RABGAP1L: variants seen among roughly 807,000 people sequenced by gnomAD.
The protein encoded by RABGAP1L is rab GTPase-activating protein 1-like.
RABGAP1L carries 63 observed loss-of-function variants against 137.7 expected under a neutral mutation model. The observed-to-expected ratio is 0.46, with a 90% CI of 0.37 to 0.56. The LOEUF (loss-of-function observed/expected upper bound fraction) is 0.56. RABGAP1L is among the 20% of genes least tolerant of loss of function. The pLI is 0.00. For synonymous variants in RABGAP1L, 431 were observed against 433.7 expected (o/e 0.99, Z 0.08); for missense variants, 1,095 against 1,244.0 (o/e 0.88, Z 1.80).
chr1:174,607,177 C>A (rs768076924), intron 13 of RABGAP1L, among the ~76,000 whole-genome samples: 41 of 152,134 alleles, frequency 2.7e-4, no homozygotes, highest in Admixed American at 2.0e-4. Flanking sequence ...TTAACTGTCA[C>A]CCCTAAATTT....
Position 174,684,579 on chromosome 1 carries a change from G to T in RABGAP1L, c.1899+983G>T, listed in dbSNP as rs376544180. Among the ~76,000 whole-genome samples, 91 of 152,300 alleles carry T rather than the reference G, an allele frequency of 6.0e-4. 1 individual carries two copies. In the South Asian group the frequency reaches 0.019, roughly 32 times the overall value. On this transcript the variant is annotated intron_variant, in intron 15 of 25. Transcript: ENST00000681986. ...ATGAGGAACCATTGATCACTTTGGA[G>T]CAAGGGAATAATACAGTCATATGAT...
chr1:174,317,710 A>G (rs1181050548), intron 11 of RABGAP1L, among the ~76,000 whole-genome samples: 1 of 152,048 alleles, frequency 6.6e-6, no homozygotes, highest in East Asian at 1.9e-4. Context: ...CATCACTATG[A>G]CTTGCCTAAG....
At chr1:174,403,859 C>T (rs370055554) in intron 13 of RABGAP1L, among the ~76,000 whole-genome samples, 12 of 149,858 alleles carry the variant, frequency 8.0e-5, no homozygotes, top group East Asian at 7.8e-4. Flanking sequence ...TAAAATTTGA[C>T]TTTGTATTGG....
chr1:174,302,822 C>G (rs998708762), intron 10 of RABGAP1L, among the ~76,000 whole-genome samples: 1 of 152,122 alleles, frequency 6.6e-6, no homozygotes, highest in Non-Finnish European at 1.5e-5. Context: ...GGAGACAAAA[C>G]TTTTAATCAA....
intron 13 of RABGAP1L, among the ~76,000 whole-genome samples, chr1:174,511,735 G>T (rs1662365209): frequency 1.3e-5 from 2 of 151,370 alleles, no homozygotes; most frequent in Non-Finnish European, 2.9e-5. Context: ...CAATTCTCCT[G>T]CCTCAGCCTC....
At chr1:174,783,707 C>CTTTTTTTTTTTTTTTTTTTTTTTTTTT (rs34367315) in intron 18 of RABGAP1L, among the ~76,000 whole-genome samples, 3 of 102,476 alleles carry the variant, frequency 2.9e-5, no homozygotes, top group South Asian at 3.3e-4. Flanking sequence ...TCTTCTTCTT[C>CTTTTTTTTTTTTTTTTTTTTTTTTTTT]TTTTTTTTTT....
Position 174,950,368 on chromosome 1 carries a change from ATG to A in RABGAP1L, c.2341-7087_2341-7086del, listed in dbSNP as rs370054007. 1.4e-4 allele frequency among the ~76,000 whole-genome samples: 21 copies of A among 152,310 alleles called. 1 individual carries two copies. The highest frequency in any genetic ancestry group is 5.1e-4 in the African/African-American group (21 of 41,574). Reference sequence around the variant, plus strand: ...ATGGGGCAAAATATCATTGTTTAATATGTTCCCTCTCCTCCTAGTGCTAAAAG... The same window carrying A: ...ATGGGGCAAAATATCATTGTTTAATATTCCCTCTCCTCCTAGTGCTAAAAG... On this transcript the variant is annotated intron_variant, in intron 19 of 25. Coordinates refer to ENST00000681986, the MANE Select transcript of RABGAP1L (RefSeq NM_001366446.1).
intron 15 of RABGAP1L, among the ~76,000 whole-genome samples, chr1:174,696,882 A>G (rs1247280478): frequency 6.6e-6 from 1 of 152,146 alleles, no homozygotes; most frequent in African/African-American, 2.4e-5. Flanking sequence ...TCTTGCGTGG[A>G]TAGTTGTTCA....
intron 19 of RABGAP1L, among the ~76,000 whole-genome samples, chr1:174,891,408 A>G (rs920492502): frequency 2.0e-5 from 3 of 152,194 alleles, no homozygotes; most frequent in Admixed American, 2.0e-4. Flanking sequence ...AATAAGGTTG[A>G]TTAATGTATT....
chr1:174,410,217 G>A (rs1352701226), intron 13 of RABGAP1L, among the ~76,000 whole-genome samples: 1 of 152,108 alleles, frequency 6.6e-6, no homozygotes, highest in African/African-American at 2.4e-5. Flanking sequence ...TCTCAGACTG[G>A]CCGACACTTA....
intron 1 of RABGAP1L, among the ~76,000 whole-genome samples, chr1:174,162,223 A>G (rs1664528508): frequency 6.6e-6 from 1 of 152,056 alleles, no homozygotes; most frequent in Admixed American, 6.5e-5. Flanking sequence ...AGGAGTTTTC[A>G]TGTGATCAGC....
At chr1:174,216,816 G>T (rs1339127010) in intron 1 of RABGAP1L, among the ~76,000 whole-genome samples, 1 of 152,062 alleles carries the variant, frequency 6.6e-6, no homozygotes, top group East Asian at 1.9e-4. Context: ...AGGGTGTATT[G>T]GGCCTTGTAA....
chr1:174,583,763 G>T (rs1668915111), intron 13 of RABGAP1L, among the ~76,000 whole-genome samples: 1 of 152,162 alleles, frequency 6.6e-6, no homozygotes, highest in Non-Finnish European at 1.5e-5. Context: ...TATTGCCCTT[G>T]TGCTGTAGAG....
In RABGAP1L at chr1:174,994,679, A is replaced by AGAT. The variant is rs1385472257; in HGVS notation, c.*4680_*4682dup. On this transcript the variant is annotated 3_prime_UTR_variant, in exon 26 of 26. Coordinates refer to ENST00000681986, the MANE Select transcript of RABGAP1L (RefSeq NM_001366446.1). ...CATGAAAGCACAAGAATAAGGCTGG[A>AGAT]GATGGTCCCAGATCCAAGATGTCCC... The AGAT allele has an allele frequency of 6.6e-6, 1 of 152,206 alleles. No homozygotes were observed. The highest frequency in any genetic ancestry group is 2.4e-5 in the African/African-American group (1 of 41,450). 9.4% of individuals were successfully genotyped at this position (152,206 alleles called of 1,614,324 possible).
chr1:174,969,499 C>A, intron 21 of RABGAP1L, 112 bp downstream of exon 21: 1 of 769,654 alleles, frequency 1.3e-6, no homozygotes, highest in Non-Finnish European at 2.2e-6. Context: ...GAGGAATGGA[C>A]AAGTGGCAGG....
intron 13 of RABGAP1L, among the ~76,000 whole-genome samples, chr1:174,576,481 G>T (rs925501613): frequency 6.6e-6 from 1 of 152,144 alleles, no homozygotes; most frequent in Non-Finnish European, 1.5e-5. Context: ...TCTCTGCAGG[G>T]GGAAGCAAAT....
intron 19 of RABGAP1L, among the ~76,000 whole-genome samples, chr1:174,833,536 C>T (rs1692406534): frequency 7.0e-6 from 1 of 142,124 alleles, no homozygotes; most frequent in African/African-American, 2.5e-5. Context: ...ATCAGCCTCC[C>T]AAAGTGCTAG....
chr1:174,963,049 A>G (rs1669305285), intron 20 of RABGAP1L, among the ~76,000 whole-genome samples: 1 of 152,098 alleles, frequency 6.6e-6, no homozygotes, highest in African/African-American at 2.4e-5. Context: ...CAGTGGGCAG[A>G]GATCGTGCCA....
chr1:174,721,627 G>A (rs1431346503), intron 17 of RABGAP1L, among the ~76,000 whole-genome samples: 1 of 152,182 alleles, frequency 6.6e-6, no homozygotes, highest in Non-Finnish European at 1.5e-5. Context: ...AAATAGGCAG[G>A]TATTTTATTT....
Sources: gnomAD v4.1 joint callset for allele counts (sites outside exome capture counted in the v4.1 genomes callset) on GRCh38, gnomAD v4.1.1 for gene constraint, MANE v1.5 for transcripts, NCBI Gene and HGNC (gene_info 2026-07-23, HGNC 2026-07-21) for gene names.